Variants in NRXN1 observed in about 807,000 individuals in gnomAD.
The protein encoded by NRXN1 is neurexin-1.
In NRXN1, 39 loss-of-function variants were observed where a neutral mutation model predicts 150.9. The ratio of observed to expected loss-of-function variants is 0.26; its 90% confidence interval spans 0.20 to 0.34. The LOEUF (loss-of-function observed/expected upper bound fraction) is 0.34. Among genes scored for constraint, NRXN1 ranks in the 10% least tolerant of loss-of-function variants. NRXN1 has a pLI of 1.00. For missense variants in NRXN1, 1,815 were observed against 1,949.9 expected, an observed-to-expected ratio of 0.93 and a Z score of 1.30; for synonymous variants, 924 against 757.0, an observed-to-expected ratio of 1.22 and a Z score of -3.62.
Position 50,626,885 on chromosome 2 carries a change from C to T in NRXN1, c.833-3270G>A, listed in dbSNP as rs144239747. ...ATCCAGAATATGCCAAGCACCTCAG[C>T]GAATCAATACAAAAATAAAGACAAC... On this transcript the variant is annotated intron_variant, in intron 5 of 22. Transcript: ENST00000401669. 5.3e-5 allele frequency among the ~76,000 whole-genome samples: 8 copies of T among 151,678 alleles called. No homozygotes were observed. The East Asian group carries it at 9.7e-4, about 18-fold the overall frequency.
chr2:50,049,454 G>A (rs1432705312), intron 21 of NRXN1, among the ~76,000 whole-genome samples: 1 of 152,138 alleles, frequency 6.6e-6, no homozygotes, highest in East Asian at 1.9e-4. Flanking sequence ...CACATGACGA[G>A]ATAGGTGGTT....
At chr2:49,984,468 T>C (rs1458464534) in intron 21 of NRXN1, among the ~76,000 whole-genome samples, 4 of 151,998 alleles carry the variant, frequency 2.6e-5, no homozygotes, top group Admixed American at 2.0e-4. Context: ...TCCAAAATAA[T>C]GCTTATGAAT....
intron 21 of NRXN1, among the ~76,000 whole-genome samples, chr2:49,983,391 G>A (rs1019318147): frequency 6.6e-6 from 1 of 151,964 alleles, no homozygotes; most frequent in Non-Finnish European, 1.5e-5. Flanking sequence ...CTGTATGTTG[G>A]GTAAAAATGC....
At chr2:51,018,183 C>A (rs546235457) in intron 2 of NRXN1, among the ~76,000 whole-genome samples, 1 of 152,176 alleles carries the variant, frequency 6.6e-6, no homozygotes, top group African/African-American at 2.4e-5. Context: ...TTCATTATGT[C>A]TATAATTAAA....
intron 21 of NRXN1, among the ~76,000 whole-genome samples, chr2:50,046,547 A>T (rs562183566): frequency 1.7e-4 from 26 of 152,312 alleles, no homozygotes; most frequent in Non-Finnish European, 3.2e-4. Context: ...ACATTTCTTT[A>T]TATTTTAAGA....
chr2:50,899,891 G>C (rs1410454187), intron 5 of NRXN1, among the ~76,000 whole-genome samples: 2 of 152,128 alleles, frequency 1.3e-5, no homozygotes, highest in Non-Finnish European at 2.9e-5. Flanking sequence ...AAGAATTTTT[G>C]AATGTGAATT....
chr2:50,350,132 C>A (rs2078305395), intron 17 of NRXN1, among the ~76,000 whole-genome samples: 1 of 152,182 alleles, frequency 6.6e-6, no homozygotes, highest in African/African-American at 2.4e-5. Flanking sequence ...ACATTTTCAT[C>A]ACTGAATCAA....
In NRXN1 at chr2:50,793,058, C is replaced by T. The variant is rs549874748; in HGVS notation, c.832+128811G>A. Among the ~76,000 whole-genome samples, 5 of 152,044 alleles carry T rather than the reference C, an allele frequency of 3.3e-5. No homozygotes were observed. In the East Asian group the frequency reaches 5.8e-4, roughly 18 times the overall value. ...GAAATTAAATATTGGCATTAGTTAA[C>T]GAGAGACATTTCTTTCCACCGAGTG... On this transcript the variant is annotated intron_variant, in intron 5 of 22. Coordinates refer to ENST00000401669, the MANE Select transcript of NRXN1 (RefSeq NM_001330078.2).
intron 5 of NRXN1, among the ~76,000 whole-genome samples, chr2:50,642,875 T>C (rs1332045529): frequency 6.6e-6 from 1 of 151,940 alleles, no homozygotes; most frequent in Non-Finnish European, 1.5e-5. Flanking sequence ...GGAAAAGCCT[T>C]CTTCTAAAAA....
chr2:50,236,464 A>C (rs1048937638), intron 18 of NRXN1, among the ~76,000 whole-genome samples: 1 of 151,990 alleles, frequency 6.6e-6, no homozygotes, highest in Non-Finnish European at 1.5e-5. Context: ...TGTGGTATCT[A>C]CTAGGCAATA....
chr2:50,879,366 C>T (rs141567439), intron 5 of NRXN1, among the ~76,000 whole-genome samples: 1 of 151,854 alleles, frequency 6.6e-6, no homozygotes, highest in African/African-American at 2.4e-5. Context: ...TGCTTATTTG[C>T]AGTTATTTCT....
chr2:50,161,677 T>C (rs954245488), intron 18 of NRXN1, among the ~76,000 whole-genome samples: 9 of 152,304 alleles, frequency 5.9e-5, no homozygotes, highest in African/African-American at 1.9e-4. Flanking sequence ...TTATCTGCAC[T>C]GACAGTCAGC....
At chr2:50,770,492 C>T (rs371856929) in intron 5 of NRXN1, among the ~76,000 whole-genome samples, 2 of 152,028 alleles carry the variant, frequency 1.3e-5, no homozygotes, top group Non-Finnish European at 1.5e-5. Context: ...TCACAGGGAG[C>T]TCAAATGTGA....
chr2:50,620,209 AC>A, intron 7 of NRXN1, 26 bp from the exon 8 acceptor site: 1 of 1,611,324 alleles, frequency 6.2e-7, no homozygotes, highest in South Asian at 1.1e-5. Flanking sequence ...CAGGGAAAGG[AC>A]ACGCTATACT....
chr2:50,681,955 T>C (rs1690473571), intron 5 of NRXN1, among the ~76,000 whole-genome samples: 1 of 152,276 alleles, frequency 6.6e-6, no homozygotes, highest in Non-Finnish European at 1.5e-5. Flanking sequence ...GTCTCATCTA[T>C]AAAACAGAAA....
chr2:49,965,395 T>C (rs1676782975), intron 21 of NRXN1, among the ~76,000 whole-genome samples: 1 of 152,018 alleles, frequency 6.6e-6, no homozygotes, highest in African/African-American at 2.4e-5. Context: ...GCCTCCCAAG[T>C]AGCTGGGTTT....
intron 21 of NRXN1, among the ~76,000 whole-genome samples, chr2:50,039,933 T>C (rs573809156): frequency 1.3e-3 from 195 of 152,306 alleles, no homozygotes; most frequent in Admixed American, 1.8e-3. Context: ...AAAATTCTCC[T>C]TTGAGTAGTC....
chr2:50,372,274 CCTT>C (rs929596498), intron 17 of NRXN1, among the ~76,000 whole-genome samples: 33 of 152,028 alleles, frequency 2.2e-4, no homozygotes, highest in African/African-American at 8.0e-4. Flanking sequence ...ATGACTATCT[CCTT>C]CTGGTGGATG....
chr2:50,800,659 C>T (rs138886720), intron 5 of NRXN1, among the ~76,000 whole-genome samples: 6,677 of 152,216 alleles, frequency 0.044, 224 homozygotes, highest in East Asian at 0.16. Flanking sequence ...AGGCAATTCT[C>T]CTGCCTCAGC....
Sources: allele counts gnomAD v4.1 joint callset (sites outside exome capture counted in the v4.1 genomes callset), GRCh38; gene constraint gnomAD v4.1.1; transcripts MANE v1.5; gene names NCBI Gene and HGNC (gene_info 2026-07-23, HGNC 2026-07-21).